Variants in KCNJ10 observed in about 807,000 individuals in gnomAD.
KCNJ10 encodes potassium inwardly rectifying channel subfamily J member 10.
Under a neutral mutation model 22.2 loss-of-function variants are expected in KCNJ10, and 9 were observed. The observed-to-expected ratio is 0.40, with a 90% CI of 0.24 to 0.71. KCNJ10 has a LOEUF of 0.71. KCNJ10 is among the 30% of genes least tolerant of loss of function. The pLI is 0.35. For synonymous variants in KCNJ10, 184 were observed against 187.3 expected (o/e 0.98, Z 0.15); for missense variants, 337 against 482.7 (o/e 0.70, Z 2.83).
rs1428231966 is a variant in KCNJ10, at chr1:160,038,264, C to CTTTAT, written c.*3124_*3128dup. ...TTCATGAAAGGGAAACAAAATGGTG[C>CTTTAT]TTTATTTTATTTTATTTATTTTAAA... On this transcript the variant is annotated 3_prime_UTR_variant, in exon 2 of 2. Transcript: ENST00000644903. 1 of 152,202 alleles carries CTTTAT rather than the reference C, an allele frequency of 6.6e-6. No homozygotes were observed. The highest frequency in any genetic ancestry group is 2.1e-4 in the South Asian group (1 of 4,830). The allele number at this position is 152,202 out of a possible 1,614,324, so 9.4% of individuals were successfully genotyped here.
Position 160,040,443 on chromosome 1 carries a change from G to T in KCNJ10, c.*950C>A, listed in dbSNP as rs1648575564. 1 of 398,318 alleles carries T rather than the reference G, an allele frequency of 2.5e-6. No individual in the cohort carries two copies. Among genetic ancestry groups the T allele is most frequent in the African/African-American group, 2.1e-5 (1 of 48,744 alleles). The allele number at this position is 398,318 out of a possible 1,614,324, so 24.7% of individuals were successfully genotyped here. On this transcript the variant is annotated 3_prime_UTR_variant, in exon 2 of 2. Coordinates refer to ENST00000644903, the MANE Select transcript of KCNJ10 (RefSeq NM_002241.5). ...GGGTTAAGGAAGAAGGATCTAGGCTGAGCAGGAAAGGAAGAAGAGAAGCCA... is the reference window on the plus strand; with the variant it reads ...GGGTTAAGGAAGAAGGATCTAGGCTTAGCAGGAAAGGAAGAAGAGAAGCCA...
intron 1 of KCNJ10, among the ~76,000 whole-genome samples, chr1:160,061,864 G>A (rs926382242): frequency 1.8e-4 from 27 of 152,040 alleles, no homozygotes; most frequent in Non-Finnish European, 3.1e-4. Context: ...GGGCACATCC[G>A]TTTGGGTGTG....
chr1:160,045,950 C>T (rs1396053758), intron 1 of KCNJ10, among the ~76,000 whole-genome samples: 1 of 152,206 alleles, frequency 6.6e-6, no homozygotes, highest in Non-Finnish European at 1.5e-5. Context: ...TTGTAACAAT[C>T]AGGAAGGCAC....
chr1:160,055,437 C>G (rs140652291), intron 1 of KCNJ10, among the ~76,000 whole-genome samples: 2 of 152,270 alleles, frequency 1.3e-5, no homozygotes, highest in South Asian at 4.1e-4. Context: ...ACTGACCGGT[C>G]TGTTCTTAAC....
intron 1 of KCNJ10, among the ~76,000 whole-genome samples, 184 bp from the exon 2 acceptor site, chr1:160,042,716 C>T (rs1467009363): frequency 6.6e-6 from 1 of 152,132 alleles, no homozygotes; most frequent in Non-Finnish European, 1.5e-5. Flanking sequence ...GCGGGTGGAT[C>T]GCCTGAGGTC....
At chr1:160,058,716 C>T (rs1188941361) in intron 1 of KCNJ10, among the ~76,000 whole-genome samples, 1 of 152,180 alleles carries the variant, frequency 6.6e-6, no homozygotes, top group East Asian at 1.9e-4. Flanking sequence ...CCTTTATGAC[C>T]TGGTCTCTGC....
chr1:160,041,746 T>G lies in KCNJ10; in HGVS notation c.787A>C (p.Ser263Arg). 1 of 1,614,094 alleles carries G rather than the reference T, an allele frequency of 6.2e-7. No individual in the cohort carries two copies. The highest frequency in any genetic ancestry group is 8.5e-7 in the Non-Finnish European group (1 of 1,179,986). The change falls in exon 2 of 2, where the codon AGT (serine) becomes CGT (arginine). Residue 263 changes from serine to arginine, a missense_variant. By Grantham distance (110) the Ser-to-Arg change is moderately radical. This residue lies in a region of KCNJ10 where 165 missense variants were observed against 281.5 expected (regional missense o/e 0.59). Coordinates refer to ENST00000644903, the MANE Select transcript of KCNJ10 (RefSeq NM_002241.5). The surrounding 1 kb of genome is among the most constrained non-coding windows in gnomAD (Gnocchi z 4.4). ...LTFYHVVDET[S>R]PLKDLPLRSG... ...CGAAGAGGGAGATCTTTCAAGGGACTGGTCTCATCTACCACATGATAGAAG... is the reference window on the plus strand; with the variant it reads ...CGAAGAGGGAGATCTTTCAAGGGACGGGTCTCATCTACCACATGATAGAAG...
intron 1 of KCNJ10, among the ~76,000 whole-genome samples, chr1:160,048,289 G>C (rs1383372486): frequency 1.3e-5 from 2 of 149,372 alleles, no homozygotes; most frequent in East Asian, 3.9e-4. Flanking sequence ...GAGTGCGAGG[G>C]GACCCAGGTT....
chr1:160,044,543 G>A (rs1197155244), intron 1 of KCNJ10, among the ~76,000 whole-genome samples: 1 of 152,142 alleles, frequency 6.6e-6, no homozygotes, highest in Non-Finnish European at 1.5e-5. Context: ...AATGAACATA[G>A]TTTTAATTTT....
At chr1:160,062,976 C>A (rs1159771085) in intron 1 of KCNJ10, among the ~76,000 whole-genome samples, 3 of 152,144 alleles carry the variant, frequency 2.0e-5, no homozygotes, top group South Asian at 4.1e-4. Flanking sequence ...CTGTGCTCTT[C>A]CAGGGAATTC....
chr1:160,050,787 T>C (rs1411512363), intron 1 of KCNJ10, among the ~76,000 whole-genome samples: 8 of 152,126 alleles, frequency 5.3e-5, no homozygotes, highest in Admixed American at 3.3e-4. Context: ...AGTGATGTGC[T>C]GTGACCCCTC....
rs1040395459 is a variant in KCNJ10, at chr1:160,047,125, A to T, written c.1-4593T>A. On this transcript the variant is annotated intron_variant, in intron 1 of 1. Coordinates refer to ENST00000644903, the MANE Select transcript of KCNJ10 (RefSeq NM_002241.5). ...TGAAGCTGTCTTTTTTTGCCTGTGC[A>T]CTCATTTATTTTACTTGAGAGTCAT... 2.6e-5 allele frequency among the ~76,000 whole-genome samples: 4 copies of T among 152,074 alleles called. No individual in the cohort carries two copies. The South Asian group carries it at 6.2e-4, about 24-fold the overall frequency.
chr1:160,067,030 C>A (rs1649335947), intron 1 of KCNJ10, among the ~76,000 whole-genome samples: 1 of 152,310 alleles, frequency 6.6e-6, no homozygotes, highest in Middle Eastern at 3.4e-3. Context: ...GCACAATGGC[C>A]ATGTATACCC....
intron 1 of KCNJ10, among the ~76,000 whole-genome samples, chr1:160,048,532 G>A (rs972106537): frequency 2.6e-5 from 4 of 152,162 alleles, no homozygotes; most frequent in African/African-American, 7.2e-5. Context: ...TGCAGGGGGA[G>A]GGGAAAAGCT....
chr1:160,051,066 C>T (rs1184660288), intron 1 of KCNJ10, among the ~76,000 whole-genome samples: 2 of 152,114 alleles, frequency 1.3e-5, no homozygotes, highest in Admixed American at 1.3e-4. Context: ...GCCTCAGCCT[C>T]CCGAGTAGCT....
At chr1:160,052,073 G>T (rs777060107) in intron 1 of KCNJ10, among the ~76,000 whole-genome samples, 4 of 152,024 alleles carry the variant, frequency 2.6e-5, no homozygotes, top group Non-Finnish European at 5.9e-5. Context: ...CACAGCCTAT[G>T]TGTCCATATT....
At chr1:160,045,383 G>A (rs1648720865) in intron 1 of KCNJ10, among the ~76,000 whole-genome samples, 1 of 152,088 alleles carries the variant, frequency 6.6e-6, no homozygotes, top group African/African-American at 2.4e-5. Flanking sequence ...CAAGAGCTGG[G>A]GCAGAATTAG....
intron 1 of KCNJ10, among the ~76,000 whole-genome samples, chr1:160,050,526 G>T (rs534046027): frequency 2.0e-5 from 3 of 152,190 alleles, no homozygotes; most frequent in African/African-American, 7.2e-5. Context: ...GATTCTTTCC[G>T]TGAAGACCTT....
chr1:160,062,199 T>TC (rs1649216817), intron 1 of KCNJ10, among the ~76,000 whole-genome samples: 1 of 151,358 alleles, frequency 6.6e-6, no homozygotes, highest in South Asian at 2.1e-4. Context: ...CTCCTGCCCA[T>TC]CCCCCCTGGC....
Sources: allele counts gnomAD v4.1 joint callset (sites outside exome capture counted in the v4.1 genomes callset), GRCh38; gene constraint gnomAD v4.1.1; regional missense constraint gnomAD v4.1.1; non-coding constraint Gnocchi (gnomAD v3.1); transcripts MANE v1.5; gene names NCBI Gene and HGNC (gene_info 2026-07-23, HGNC 2026-07-21).